Variants in PRUNE2 observed in about 807,000 individuals in gnomAD.
PRUNE2 encodes protein prune homolog 2.
Under a neutral mutation model 252.0 loss-of-function variants are expected in PRUNE2, and 164 were observed. The observed-to-expected ratio is 0.65, with a 90% confidence interval of 0.57 to 0.74. PRUNE2 has a LOEUF of 0.74. Among genes scored for constraint, PRUNE2 ranks in the 30% least tolerant of loss-of-function variants. PRUNE2 has a pLI of 0.00. For missense variants in PRUNE2, 3,495 were observed against 3,711.0 expected (o/e 0.94, Z 1.51); for synonymous variants, 1,292 against 1,350.2 (o/e 0.96, Z 0.94).
chr9:76,763,558 A>C (rs1324492029), intron 6 of PRUNE2, among the ~76,000 whole-genome samples: 2 of 152,198 alleles, frequency 1.3e-5, no homozygotes, highest in East Asian at 1.9e-4. Flanking sequence ...GGATGACACA[A>C]AAGTAATGAA....
chr9:76,864,811 C>T (rs573631762), intron 1 of PRUNE2, among the ~76,000 whole-genome samples: 13 of 152,000 alleles, frequency 8.6e-5, no homozygotes, highest in African/African-American at 3.1e-4. Context: ...CAAATTAGAC[C>T]AACAATAAAA....
At chr9:76,692,031 T>C (rs2044802008) in intron 9 of PRUNE2, 2 of 717,008 alleles carry the variant, frequency 2.8e-6, no homozygotes, top group Non-Finnish European at 5.2e-6. Flanking sequence ...CATTCTGTCC[T>C]TCCCGTACCG....
chr9:76,843,723 CTCT>C (rs1392906736), intron 4 of PRUNE2, among the ~76,000 whole-genome samples: 1 of 131,094 alleles, frequency 7.6e-6, no homozygotes, highest in Non-Finnish European at 1.5e-5. Flanking sequence ...GACTTGATTC[CTCT>C]TTTTTTTTTT....
chr9:76,646,041 C>G (rs1235783138), intron 11 of PRUNE2, among the ~76,000 whole-genome samples: 2 of 152,190 alleles, frequency 1.3e-5, no homozygotes, highest in African/African-American at 4.8e-5. Flanking sequence ...CAAATATAGT[C>G]AAAACCTTTA....
chr9:76,819,981 A>C (rs948445660), intron 6 of PRUNE2, among the ~76,000 whole-genome samples: 2 of 152,226 alleles, frequency 1.3e-5, no homozygotes, highest in African/African-American at 4.8e-5. Flanking sequence ...TGATCAAATC[A>C]ACAAGCAACA....
intron 5 of PRUNE2, among the ~76,000 whole-genome samples, chr9:76,825,654 A>G (rs2058303841): frequency 6.6e-6 from 1 of 152,214 alleles, no homozygotes; most frequent in Non-Finnish European, 1.5e-5. Context: ...TGGGAAAGCA[A>G]TGAAGGCTTT....
Position 76,692,405 on chromosome 9 carries a change from T to C in PRUNE2, c.8276+10932A>G, listed in dbSNP as rs1458043202. 2.1e-5 allele frequency: 10 copies of C among 470,798 alleles called. No homozygotes were observed. The East Asian group carries it at 3.8e-4, about 18-fold the overall frequency. The allele number at this position is 470,798 out of a possible 1,614,324, so 29.2% of individuals were successfully genotyped here. On this transcript the variant is annotated intron_variant, in intron 9 of 18. Coordinates refer to ENST00000376718, the MANE Select transcript of PRUNE2 (RefSeq NM_015225.3). ...TGCTACTCCTGCTCCCGAGTGAGAC[T>C]GGATGTGAATGGGCTCAAAGCACAA...
At chr9:76,673,247 A>G (rs2041870538) in intron 9 of PRUNE2, among the ~76,000 whole-genome samples, 2 of 150,890 alleles carry the variant, frequency 1.3e-5, no homozygotes, top group Non-Finnish European at 3.0e-5. Context: ...ACAGAAATAC[A>G]AACTACCATC....
At chr9:76,818,569 G>A (rs1468518556) in intron 6 of PRUNE2, among the ~76,000 whole-genome samples, 2 of 152,114 alleles carry the variant, frequency 1.3e-5, no homozygotes, top group African/African-American at 4.8e-5. Flanking sequence ...GGCTGGTCAT[G>A]AGGAGGTCTG....
intron 9 of PRUNE2, among the ~76,000 whole-genome samples, chr9:76,659,600 G>C (rs1186933535): frequency 6.6e-6 from 1 of 152,054 alleles, no homozygotes; most frequent in Non-Finnish European, 1.5e-5. Context: ...AAAATGCTTG[G>C]GACCAGAAGT....
chr9:76,679,336 G>A (rs898110990), intron 9 of PRUNE2, among the ~76,000 whole-genome samples: 2 of 151,820 alleles, frequency 1.3e-5, no homozygotes, highest in Admixed American at 1.3e-4. Flanking sequence ...GGAATTTTTT[G>A]AAAAAATAGG....
chr9:76,656,609 T>C (rs1849341151), intron 9 of PRUNE2, among the ~76,000 whole-genome samples: 1 of 152,170 alleles, frequency 6.6e-6, no homozygotes, highest in Non-Finnish European at 1.5e-5. Context: ...CTGCATTTGC[T>C]TCATTTATTC....
chr9:76,723,610 C>G (rs1478545249), intron 6 of PRUNE2, among the ~76,000 whole-genome samples: 1 of 152,070 alleles, frequency 6.6e-6, no homozygotes, highest in Non-Finnish European at 1.5e-5. Context: ...CATCCATCTG[C>G]AAATGCTTGA....
At chr9:76,648,673 C>G (rs1467758350) in intron 11 of PRUNE2, among the ~76,000 whole-genome samples, 1 of 152,108 alleles carries the variant, frequency 6.6e-6, no homozygotes, top group Non-Finnish European at 1.5e-5. Flanking sequence ...GAGACATAGG[C>G]AGAGCACAGA....
chr9:76,744,658 A>C (rs2135614131), intron 6 of PRUNE2, among the ~76,000 whole-genome samples: 1 of 152,240 alleles, frequency 6.6e-6, no homozygotes, highest in Non-Finnish European at 1.5e-5. Context: ...TTCCCCACAC[A>C]ATGGGTAATC....
chr9:76,670,100 C>G (rs900143739), intron 9 of PRUNE2, among the ~76,000 whole-genome samples: 1 of 152,166 alleles, frequency 6.6e-6, no homozygotes, highest in Non-Finnish European at 1.5e-5. Context: ...GCGTGAGCGA[C>G]GCAGAAGATG....
In PRUNE2 at chr9:76,823,628, T is replaced by C. The variant is rs1157197846; in HGVS notation, c.756+4A>G. On this transcript the variant is annotated splice_donor_region_variant and intron_variant, in intron 6 of 18. Coordinates refer to ENST00000376718, the MANE Select transcript of PRUNE2 (RefSeq NM_015225.3). ...CAATGCTAAAAAAGCATTCCCACCC[T>C]TACCTCAAGGTTCATGCTCACAGTA... is the stretch of plus-strand genomic sequence containing the variant. 1.3e-6 allele frequency: 2 copies of C among 1,565,136 alleles called. No homozygotes were observed. The highest frequency in any genetic ancestry group is 4.5e-5 in the East Asian group (2 of 44,644).
At chr9:76,742,449 G>T (rs2049720615) in intron 6 of PRUNE2, among the ~76,000 whole-genome samples, 1 of 151,922 alleles carries the variant, frequency 6.6e-6, no homozygotes, top group Admixed American at 6.6e-5. Flanking sequence ...ACCTTGTCTA[G>T]ACAAAAAAGA....
chr9:76,899,540 G>C (rs1353535664), intron 1 of PRUNE2, among the ~76,000 whole-genome samples: 1 of 151,956 alleles, frequency 6.6e-6, no homozygotes, highest in Non-Finnish European at 1.5e-5. Context: ...TTTTTATTGA[G>C]CCACTACAAA....
Sources: gnomAD v4.1 joint callset for allele counts (sites outside exome capture counted in the v4.1 genomes callset) on GRCh38, gnomAD v4.1.1 for gene constraint, MANE v1.5 for transcripts, NCBI Gene and HGNC (gene_info 2026-07-23, HGNC 2026-07-21) for gene names.